The following ENTREP2 variants were observed in gnomAD, a reference collection of about 807,000 sequenced individuals.
The protein encoded by ENTREP2 is endosomal transmembrane epsin interactor 2, also known as protein ENTREP2.
the ENTREP2 span, among the ~76,000 whole-genome samples, chr15:29,644,231 C>T: frequency 2.1e-3 from 314 of 152,186 alleles, no homozygotes; most frequent in African/African-American, 6.1e-3. Context: ...TGTCCAGAAC[C>T]GGCAGGTCTT....
the ENTREP2 span, among the ~76,000 whole-genome samples, chr15:29,248,530 T>C: frequency 1.3e-5 from 2 of 151,952 alleles, no homozygotes; most frequent in African/African-American, 4.8e-5. Context: ...ACAGAACACA[T>C]ACAGACAAAA....
the ENTREP2 span, among the ~76,000 whole-genome samples, chr15:29,664,752 T>C: frequency 6.6e-6 from 1 of 152,224 alleles, no homozygotes; most frequent in African/African-American, 2.4e-5. Context: ...GGAACTCTCT[T>C]GGCCCTTTGT....
the ENTREP2 span, among the ~76,000 whole-genome samples, chr15:29,245,336 C>A: frequency 6.6e-6 from 1 of 151,906 alleles, no homozygotes. Flanking sequence ...CGATAAAACA[C>A]ATAAATATTT....
chr15:29,374,549 T>C, the ENTREP2 span: 1 of 152,160 alleles, frequency 6.6e-6, no homozygotes, highest in African/African-American at 2.4e-5. Flanking sequence ...AACCCCACAA[T>C]ACATTGGTGC....
the ENTREP2 span, among the ~76,000 whole-genome samples, chr15:29,585,903 GTC>G: frequency 1.3e-5 from 2 of 149,534 alleles, no homozygotes; most frequent in Non-Finnish European, 3.0e-5. Flanking sequence ...TTGGAAAACA[GTC>G]TGGCAATTTC....
the ENTREP2 span, among the ~76,000 whole-genome samples, chr15:29,197,792 T>G: frequency 6.6e-6 from 1 of 152,006 alleles, no homozygotes; most frequent in Non-Finnish European, 1.5e-5. Context: ...CAGTAAAATC[T>G]ATGCAATTTT....
the ENTREP2 span, among the ~76,000 whole-genome samples, chr15:29,331,938 A>G: frequency 6.6e-6 from 1 of 152,284 alleles, no homozygotes; most frequent in South Asian, 2.1e-4. Context: ...GGGACACCGA[A>G]TCATCCCCAA....
At chr15:29,277,939 C>T in the ENTREP2 span, among the ~76,000 whole-genome samples, 60 of 151,988 alleles carry the variant, frequency 3.9e-4, no homozygotes, top group African/African-American at 1.4e-3. Flanking sequence ...AAACTGAACA[C>T]GTTGAAATGG....
the ENTREP2 span, among the ~76,000 whole-genome samples, chr15:29,546,844 G>A: frequency 4.1e-3 from 592 of 143,936 alleles, 10 homozygotes; most frequent in African/African-American, 0.013. Flanking sequence ...CCAAGATCAC[G>A]CCACTGCACT....
At chr15:29,657,504 T>G in the ENTREP2 span, among the ~76,000 whole-genome samples, 4 of 129,098 alleles carry the variant, frequency 3.1e-5, no homozygotes, top group Admixed American at 1.6e-4. Context: ...GGTGGCCAGC[T>G]TTTATTCCCT....
chr15:29,559,438 T>C, the ENTREP2 span, among the ~76,000 whole-genome samples: 1 of 152,166 alleles, frequency 6.6e-6, no homozygotes, highest in African/African-American at 2.4e-5. Context: ...AGTTTCCTAT[T>C]GCTGCTGTAA....
the ENTREP2 span, among the ~76,000 whole-genome samples, chr15:29,550,070 G>A: frequency 6.6e-6 from 1 of 152,180 alleles, no homozygotes; most frequent in Non-Finnish European, 1.5e-5. Flanking sequence ...CCTCTGCTGA[G>A]CTCCTTCAAA....
the ENTREP2 span, among the ~76,000 whole-genome samples, chr15:29,581,254 T>C: frequency 2.7e-4 from 41 of 152,282 alleles, no homozygotes; most frequent in African/African-American, 8.9e-4. Flanking sequence ...AAATCCTTTT[T>C]CTACTCTTTT....
the ENTREP2 span, among the ~76,000 whole-genome samples, chr15:29,333,220 C>T: frequency 5.3e-5 from 8 of 152,112 alleles, no homozygotes; most frequent in African/African-American, 1.9e-4. Context: ...AGAGAGGGGT[C>T]ACAGTCTGTC....
At chr15:29,233,281 C>T in the ENTREP2 span, among the ~76,000 whole-genome samples, 4 of 152,108 alleles carry the variant, frequency 2.6e-5, no homozygotes, top group Non-Finnish European at 5.9e-5. Context: ...AGACATAAAA[C>T]CAAGTATCAT....
the ENTREP2 span, among the ~76,000 whole-genome samples, chr15:29,254,553 T>C: frequency 6.6e-6 from 1 of 152,140 alleles, no homozygotes; most frequent in South Asian, 2.1e-4. Flanking sequence ...GACACATGTC[T>C]ATTTTTTTAA....
At chr15:29,383,794 A>G in the ENTREP2 span, among the ~76,000 whole-genome samples, 1 of 152,058 alleles carries the variant, frequency 6.6e-6, no homozygotes, top group African/African-American at 2.4e-5. Context: ...AACAACAACA[A>G]AAACATGAAC....
the ENTREP2 span, among the ~76,000 whole-genome samples, chr15:29,546,344 CA>C: frequency 6.6e-6 from 1 of 152,022 alleles, no homozygotes. Context: ...ATAATCAGTG[CA>C]AAGTGCTGGA....
the ENTREP2 span, chr15:29,375,793 G>A: frequency 5.3e-5 from 8 of 152,278 alleles, no homozygotes; most frequent in Middle Eastern, 3.4e-3. Flanking sequence ...CATGGTGGAT[G>A]TGGTTACTGT....
Sources: gnomAD v4.1 joint callset for allele counts (sites outside exome capture counted in the v4.1 genomes callset) on GRCh38, gnomAD v4.1.1 for gene constraint, MANE v1.5 for transcripts, NCBI Gene and HGNC (gene_info 2026-07-23, HGNC 2026-07-21) for gene names.